The following TBC1D1 variants were observed in gnomAD, a reference collection of about 807,000 sequenced individuals.
The protein encoded by TBC1D1 is TBC1 (tre-2/USP6, BUB2, cdc16) domain family, member 1.
In TBC1D1, 89 loss-of-function variants were observed where a neutral mutation model predicts 125.6. The observed-to-expected ratio is 0.71, with a 90% CI of 0.60 to 0.85. The LOEUF is 0.85. TBC1D1 is among the 40% of genes least tolerant of loss of function. The pLI is 0.00. For synonymous variants in TBC1D1, 565 were observed against 564.1 expected (o/e 1.00, Z -0.02); for missense variants, 1,377 against 1,469.2 (o/e 0.94, Z 1.03).
chr4:38,056,288 G>A (rs115327928), intron 12 of TBC1D1, among the ~76,000 whole-genome samples: 1,587 of 152,258 alleles, frequency 0.01, 37 homozygotes, highest in African/African-American at 0.035. Flanking sequence ...CCCCTGGTCC[G>A]AGTCCTGTCC....
intron 15 of TBC1D1, among the ~76,000 whole-genome samples, chr4:38,111,403 T>C (rs1332648342): frequency 2.0e-5 from 3 of 152,240 alleles, no homozygotes; most frequent in Non-Finnish European, 4.4e-5. Context: ...ATATTTACTA[T>C]ATTACCAATT....
rs150003334 is a variant in TBC1D1 at position 37,911,207 on chromosome 4, G to A, written c.417+8695G>A. On this transcript the variant is annotated intron_variant, in intron 2 of 19. Coordinates refer to ENST00000261439, the MANE Select transcript of TBC1D1 (RefSeq NM_015173.4). ...ATGTTGCTCAGAGTTCTTCCATAAA[G>A]GTCACTTAAGTCTAGAAATATATTG... Among the ~76,000 whole-genome samples the A allele has an allele frequency of 1.5e-3, 210 of 141,516 alleles. 2 individuals are homozygous for A. The highest frequency in any genetic ancestry group is 5.2e-3 in the African/African-American group (197 of 37,800). The allele number at this position is 141,516 out of a possible 152,430, so 92.8% of individuals were successfully genotyped here. A position where few individuals can be genotyped will look rare whatever the true frequency, so the allele number is the denominator to read the frequency against.
chr4:38,039,299 A>G (rs900911808), intron 8 of TBC1D1, among the ~76,000 whole-genome samples: 4 of 151,294 alleles, frequency 2.6e-5, no homozygotes, highest in African/African-American at 9.7e-5. Flanking sequence ...TTATATTTTT[A>G]GTAGAGACGG....
chr4:38,040,897 A>G (rs1391932768), intron 8 of TBC1D1, among the ~76,000 whole-genome samples: 1 of 152,148 alleles, frequency 6.6e-6, no homozygotes, highest in Non-Finnish European at 1.5e-5. Flanking sequence ...TTAGGCGTGT[A>G]TTTCCCGTGG....
chr4:37,975,508 G>A (rs1732889777), intron 2 of TBC1D1, among the ~76,000 whole-genome samples: 2 of 152,154 alleles, frequency 1.3e-5, no homozygotes, highest in Admixed American at 1.3e-4. Flanking sequence ...CTCCCCCGGG[G>A]AAAGGGAGAC....
chr4:38,047,462 T>G (rs549748695), intron 10 of TBC1D1, among the ~76,000 whole-genome samples: 1 of 152,202 alleles, frequency 6.6e-6, no homozygotes, highest in African/African-American at 2.4e-5. Context: ...AGTTTCTGAG[T>G]TAAAATCCAG....
At chr4:37,928,700 C>T (rs994338080) in intron 2 of TBC1D1, among the ~76,000 whole-genome samples, 8 of 152,200 alleles carry the variant, frequency 5.3e-5, no homozygotes, top group Non-Finnish European at 1.5e-5. Flanking sequence ...CGGTCTTTGG[C>T]AGAGGAATTA....
intron 12 of TBC1D1, among the ~76,000 whole-genome samples, chr4:38,088,593 G>A (rs545890635): frequency 2.6e-5 from 4 of 152,054 alleles, no homozygotes; most frequent in Admixed American, 2.0e-4. Context: ...CTGAAATTTT[G>A]ATTTCTTTTC....
intron 2 of TBC1D1, among the ~76,000 whole-genome samples, chr4:37,990,254 C>T (rs767865237): frequency 1.1e-4 from 17 of 151,840 alleles, no homozygotes; most frequent in Non-Finnish European, 2.5e-4. Flanking sequence ...CTGTGGGCTA[C>T]ATACAGGCCA....
chr4:37,963,318 G>A (rs1044383463), intron 2 of TBC1D1, among the ~76,000 whole-genome samples: 1 of 151,940 alleles, frequency 6.6e-6, no homozygotes, highest in African/African-American at 2.4e-5. Flanking sequence ...GCCTCACAAA[G>A]CTTCCAGTCA....
chr4:38,119,728 A>G (rs1763545463), intron 17 of TBC1D1, among the ~76,000 whole-genome samples: 1 of 152,222 alleles, frequency 6.6e-6, no homozygotes, highest in African/African-American at 2.4e-5. Flanking sequence ...ATTTTCATAC[A>G]GGGTCATGAA....
intron 17 of TBC1D1, among the ~76,000 whole-genome samples, chr4:38,118,921 T>C (rs1763415393): frequency 6.6e-6 from 1 of 152,250 alleles, no homozygotes; most frequent in Non-Finnish European, 1.5e-5. Flanking sequence ...TGCCTTCATA[T>C]GCAGGGATAG....
chr4:38,046,833 G>A (rs1749582921), intron 10 of TBC1D1, among the ~76,000 whole-genome samples: 1 of 152,154 alleles, frequency 6.6e-6, no homozygotes, highest in Non-Finnish European at 1.5e-5. Flanking sequence ...GTGGGTTTGG[G>A]TTTTGTGCTA....
intron 10 of TBC1D1, among the ~76,000 whole-genome samples, chr4:38,047,698 G>A (rs1000435521): frequency 1.3e-5 from 2 of 152,076 alleles, no homozygotes; most frequent in Admixed American, 1.3e-4. Flanking sequence ...AAGAGACATT[G>A]GTAACTTCAG....
At chr4:38,085,592 C>G (rs1312878616) in intron 12 of TBC1D1, among the ~76,000 whole-genome samples, 1 of 152,176 alleles carries the variant, frequency 6.6e-6, no homozygotes. Flanking sequence ...GCCCCTCCTT[C>G]GGCTCAGCCT....
In TBC1D1 at chr4:38,054,052, T is replaced by G. The variant is rs1002065460; in HGVS notation, c.1911-147T>G. ...CAGTTCTTTAGGAATGATGACCCACTGTGAGCTTGATATAACTTCTGTGAT... is the reference window on the plus strand; with the variant it reads ...CAGTTCTTTAGGAATGATGACCCACGGTGAGCTTGATATAACTTCTGTGAT... On this transcript the variant is annotated intron_variant, in intron 11 of 19. Transcript: ENST00000261439. 20 of 868,682 alleles carry G rather than the reference T, an allele frequency of 2.3e-5. No individual in the cohort carries two copies. In the Admixed American group the frequency reaches 4.0e-4, roughly 17 times the overall value. 53.8% of individuals were successfully genotyped at this position (868,682 alleles called of 1,614,324 possible).
At chr4:38,137,052 C>G (rs1055136586) in intron 19 of TBC1D1, 83 bp from the exon 22 acceptor site, 22 of 1,599,224 alleles carry the variant, frequency 1.4e-5, no homozygotes, top group Non-Finnish European at 1.9e-5. Flanking sequence ...AGAGTGCTCC[C>G]AAGGCTGGAC....
chr4:38,054,412 G>A, intron 12 of TBC1D1, 74 bp downstream of exon 14: 15 of 1,594,124 alleles, frequency 9.4e-6, no homozygotes, highest in South Asian at 2.2e-5. Flanking sequence ...CATCATATTG[G>A]TAAGAAAGCA....
intron 12 of TBC1D1, among the ~76,000 whole-genome samples, chr4:38,064,348 C>T (rs1322858727): frequency 6.6e-6 from 1 of 152,024 alleles, no homozygotes; most frequent in Admixed American, 6.5e-5. Flanking sequence ...ACTCCTCCTC[C>T]AGGGGGGCCT....
Sources: gnomAD v4.1 joint callset for allele counts (sites outside exome capture counted in the v4.1 genomes callset) on GRCh38, gnomAD v4.1.1 for gene constraint, MANE v1.5 for transcripts, NCBI Gene and HGNC (gene_info 2026-07-23, HGNC 2026-07-21) for gene names.